CCDC171: variants seen among roughly 807,000 people sequenced by gnomAD.
CCDC171 encodes coiled-coil domain containing 171.
In CCDC171, 177 loss-of-function variants were observed where a neutral mutation model predicts 168.2. The observed-to-expected ratio is 1.05, with a 90% CI of 0.93 to 1.19. The LOEUF (loss-of-function observed/expected upper bound fraction) is 1.19. CCDC171 is among the 50% of genes most tolerant of loss of function. The pLI is 0.00. For missense variants in CCDC171, 1,991 were observed against 1,539.0 expected, an observed-to-expected ratio of 1.29 and a Z score of -4.91; for synonymous variants, 687 against 540.8, an observed-to-expected ratio of 1.27 and a Z score of -3.75.
At chr9:15,880,753 G>A (rs1489137786) in intron 24 of CCDC171, among the ~76,000 whole-genome samples, 1 of 151,558 alleles carries the variant, frequency 6.6e-6, no homozygotes, top group African/African-American at 2.4e-5. Flanking sequence ...TGGGATTACA[G>A]ACATGAGCCA....
chr9:15,748,354 A>G (rs1307643919), intron 18 of CCDC171, among the ~76,000 whole-genome samples: 2 of 152,246 alleles, frequency 1.3e-5, no homozygotes, highest in Non-Finnish European at 2.9e-5. Flanking sequence ...TGATTGGTGT[A>G]TCTGAAAGTG....
chr9:15,701,503 A>G (rs1178669204), intron 11 of CCDC171, among the ~76,000 whole-genome samples: 2 of 150,346 alleles, frequency 1.3e-5, no homozygotes, highest in African/African-American at 4.9e-5. Context: ...CCGTCAGTTG[A>G]CTCTTATTTT....
intron 6 of CCDC171, among the ~76,000 whole-genome samples, chr9:15,616,060 CT>C (rs1399961679): frequency 6.6e-6 from 1 of 152,202 alleles, no homozygotes; most frequent in East Asian, 1.9e-4. Context: ...AAGCGATTCT[CT>C]TGCCTCAGCC....
chr9:15,699,444 T>C (rs991547710), intron 11 of CCDC171, among the ~76,000 whole-genome samples: 4 of 152,178 alleles, frequency 2.6e-5, no homozygotes, highest in Non-Finnish European at 4.4e-5. Flanking sequence ...CACTGCTGGC[T>C]TGGGCAGCCT....
chr9:16,082,160 T>G, the CCDC171 span, among the ~76,000 whole-genome samples: 5 of 152,222 alleles, frequency 3.3e-5, no homozygotes, highest in Non-Finnish European at 5.9e-5. Flanking sequence ...TCATGACCTT[T>G]CATTTCTAGA....
intron 11 of CCDC171, among the ~76,000 whole-genome samples, chr9:15,708,657 A>G (rs1024008987): frequency 3.3e-5 from 5 of 151,898 alleles, no homozygotes; most frequent in Non-Finnish European, 7.4e-5. Flanking sequence ...CCTTTGTATT[A>G]TCTCTAGGAA....
chr9:15,785,229 A>G (rs1288227038), intron 21 of CCDC171, among the ~76,000 whole-genome samples: 1 of 152,120 alleles, frequency 6.6e-6, no homozygotes, highest in African/African-American at 2.4e-5. Context: ...CACTGAGAAA[A>G]TTTCATTAAT....
intron 24 of CCDC171, among the ~76,000 whole-genome samples, chr9:15,889,807 G>A (rs564470928): frequency 2.8e-4 from 43 of 152,240 alleles, no homozygotes; most frequent in African/African-American, 9.2e-4. Flanking sequence ...TGAAGGATCT[G>A]GAGAAGCCAG....
the CCDC171 span, among the ~76,000 whole-genome samples, chr9:16,093,757 G>T: frequency 6.6e-6 from 1 of 152,154 alleles, no homozygotes; most frequent in Non-Finnish European, 1.5e-5. Flanking sequence ...GGACAAGCAT[G>T]CCAGCTAACC....
At chr9:15,569,292 T>A (rs1304652244) in intron 2 of CCDC171, among the ~76,000 whole-genome samples, 1 of 152,174 alleles carries the variant, frequency 6.6e-6, no homozygotes, top group Non-Finnish European at 1.5e-5. Context: ...AGGGTTTGAA[T>A]TTCAGCTCTG....
chr9:15,784,382 A>C, intron 20 of CCDC171, 127 bp from the exon 21 acceptor site: 1 of 514,872 alleles, frequency 1.9e-6, no homozygotes, highest in Non-Finnish European at 3.2e-6. Context: ...AGAAAAGCTA[A>C]TTGTATTTTT....
intron 4 of CCDC171, 124 bp downstream of exon 4, chr9:15,579,147 G>C (rs2040918480): frequency 2.8e-6 from 2 of 709,486 alleles, no homozygotes; most frequent in Admixed American, 7.1e-5. Context: ...ACTGACTTTT[G>C]ATGTACAGAC....
rs1265920272 is a variant in CCDC171 at position 15,745,463 on chromosome 9, G to A, written c.2555-52G>A. On this transcript the variant is annotated intron_variant, in intron 17 of 25. Coordinates refer to ENST00000380701, the MANE Select transcript of CCDC171 (RefSeq NM_173550.4). Reference sequence around the variant, plus strand: ...AACACTGCTACGAATTTTAAATATAGATTTTAATAAAGTTTTGTAGAATTT... The same window carrying A: ...AACACTGCTACGAATTTTAAATATAAATTTTAATAAAGTTTTGTAGAATTT... The A allele has an allele frequency of 9.4e-6, 11 of 1,170,328 alleles. No individual in the cohort carries two copies. The African/African-American group carries it at 1.6e-4, about 17-fold the overall frequency. The allele number at this position is 1,170,328 out of a possible 1,614,324, so 72.5% of individuals were successfully genotyped here.
intron 21 of CCDC171, among the ~76,000 whole-genome samples, chr9:15,800,884 T>G (rs2058790162): frequency 6.6e-6 from 1 of 152,056 alleles, no homozygotes; most frequent in African/African-American, 2.4e-5. Context: ...TTTCCCAAGT[T>G]TATGTTCTTA....
At chr9:15,797,371 C>T (rs1199517778) in intron 21 of CCDC171, among the ~76,000 whole-genome samples, 1 of 152,088 alleles carries the variant, frequency 6.6e-6, no homozygotes, top group East Asian at 1.9e-4. Context: ...CGCATGCCAC[C>T]ATGCCAGCTA....
At chr9:15,603,194 C>T (rs1347420513) in intron 6 of CCDC171, among the ~76,000 whole-genome samples, 3 of 152,066 alleles carry the variant, frequency 2.0e-5, no homozygotes, top group African/African-American at 4.8e-5. Context: ...CCGTGTTAGC[C>T]AGGATGGTTT....
the CCDC171 span, among the ~76,000 whole-genome samples, chr9:16,093,824 G>A: frequency 6.6e-6 from 1 of 152,182 alleles, no homozygotes; most frequent in Non-Finnish European, 1.5e-5. Flanking sequence ...AGACCCATAT[G>A]CCACAACTAG....
intron 18 of CCDC171, among the ~76,000 whole-genome samples, chr9:15,764,195 A>G (rs1468567649): frequency 6.6e-6 from 1 of 152,344 alleles, no homozygotes; most frequent in Middle Eastern, 3.4e-3. Context: ...CTGCACCCAC[A>G]TTATGCAAAT....
At chr9:16,014,521 G>A (rs1832959774) in intron 3 of CCDC171, among the ~76,000 whole-genome samples, 1 of 152,128 alleles carries the variant, frequency 6.6e-6, no homozygotes, top group Non-Finnish European at 1.5e-5. Context: ...TTTCCAGGAT[G>A]TTTTCCATTT....
Sources: gnomAD v4.1 joint callset for allele counts (sites outside exome capture counted in the v4.1 genomes callset) on GRCh38, gnomAD v4.1.1 for gene constraint, MANE v1.5 for transcripts, NCBI Gene and HGNC (gene_info 2026-07-23, HGNC 2026-07-21) for gene names.